The following GAB2 variants were observed in gnomAD, a reference collection of about 807,000 sequenced individuals.
The protein encoded by GAB2 is GRB2 associated binding protein 2, also known as GRB2-associated-binding protein 2.
GAB2 carries 26 observed loss-of-function variants against 65.5 expected under a neutral mutation model. That is an observed-to-expected ratio of 0.40 (90% CI 0.29 to 0.55). The LOEUF (loss-of-function observed/expected upper bound fraction) is 0.55. Ranked by LOEUF, GAB2 falls within the 20% of genes least tolerant of loss-of-function variation. The pLI, the probability that GAB2 is intolerant of heterozygous loss-of-function variation, is 0.53. For synonymous variants in GAB2, 321 were observed against 329.6 expected, an observed-to-expected ratio of 0.97 and a Z score of 0.28; for missense variants, 884 against 875.8, an observed-to-expected ratio of 1.01 and a Z score of -0.12.
Position 78,272,784 on chromosome 11 carries a change from C to T in GAB2, c.376+7817G>A, listed in dbSNP as rs576576282. ...GCCATGTCAGAGGTCTTCACAGCAG[C>T]GCTTCCCATTACAAGCCCAGAGGCC... is the stretch of plus-strand genomic sequence containing the variant. On this transcript the variant is annotated intron_variant, in intron 2 of 9. Transcript: ENST00000361507. Among the ~76,000 whole-genome samples the T allele has an allele frequency of 1.9e-4, 29 of 152,332 alleles. No individual in the cohort carries two copies. The South Asian group carries it at 4.8e-3, about 25-fold the overall frequency.
chr11:78,300,497 A>G (rs1866966253), intron 1 of GAB2, among the ~76,000 whole-genome samples: 1 of 140,036 alleles, frequency 7.1e-6, no homozygotes, highest in African/African-American at 2.8e-5. Context: ...GTCACATAGT[A>G]AGTCTACGTT....
At chr11:78,384,850 A>T (rs1856746208) in intron 1 of GAB2, among the ~76,000 whole-genome samples, 1 of 152,230 alleles carries the variant, frequency 6.6e-6, no homozygotes, top group Non-Finnish European at 1.5e-5. Flanking sequence ...TTCTGAGCAC[A>T]AAAGCACCAA....
chr11:78,408,397 G>T (rs1053563305), intron 1 of GAB2, among the ~76,000 whole-genome samples: 1 of 151,940 alleles, frequency 6.6e-6, no homozygotes, highest in African/African-American at 2.4e-5. Context: ...TGTATAGAGA[G>T]ATACACTCAA....
intron 1 of GAB2, among the ~76,000 whole-genome samples, chr11:78,325,588 C>T (rs530752776): frequency 9.2e-5 from 14 of 152,282 alleles, no homozygotes; most frequent in Admixed American, 7.8e-4. Flanking sequence ...CTAGAATGAA[C>T]TCTGGTTCTT....
chr11:78,382,508 C>A (rs1856711391), intron 1 of GAB2, among the ~76,000 whole-genome samples: 1 of 151,908 alleles, frequency 6.6e-6, no homozygotes, highest in Admixed American at 6.6e-5. Flanking sequence ...TCTCAAAGAC[C>A]TGAGGTATGC....
chr11:78,322,905 G>C (rs1018289542), intron 1 of GAB2, among the ~76,000 whole-genome samples: 2 of 151,786 alleles, frequency 1.3e-5, no homozygotes, highest in Non-Finnish European at 2.9e-5. Context: ...GTAGAAAGCA[G>C]TTTGGAGATT....
chr11:78,317,823 C>G (rs1855641454), intron 1 of GAB2, among the ~76,000 whole-genome samples: 1 of 152,042 alleles, frequency 6.6e-6, no homozygotes, highest in African/African-American at 2.4e-5. Context: ...GAATTCTTTT[C>G]TTTTCTGGGC....
At chr11:78,320,423 G>C (rs147875654) in intron 1 of GAB2, among the ~76,000 whole-genome samples, 102 of 152,238 alleles carry the variant, frequency 6.7e-4, no homozygotes, top group African/African-American at 2.2e-3. Context: ...AAGGAAGAGG[G>C]TCTTATCCTT....
At chr11:78,404,622 T>G (rs2135086067) in intron 1 of GAB2, among the ~76,000 whole-genome samples, 1 of 152,386 alleles carries the variant, frequency 6.6e-6, no homozygotes, top group South Asian at 2.1e-4. Flanking sequence ...CGGTTGGTAC[T>G]GGAGGACATT....
chr11:78,269,279 GA>G, intron 2 of GAB2, among the ~76,000 whole-genome samples: 1 of 152,260 alleles, frequency 6.6e-6, no homozygotes, highest in Non-Finnish European at 1.5e-5. Flanking sequence ...GGGTTCCCCA[GA>G]GGAGTTGGTC....
chr11:78,383,442 T>G, intron 1 of GAB2, among the ~76,000 whole-genome samples: 1 of 151,674 alleles, frequency 6.6e-6, no homozygotes, highest in Non-Finnish European at 1.5e-5. Context: ...CTTTTTCTTT[T>G]TTTTTAAGAC....
intron 2 of GAB2, among the ~76,000 whole-genome samples, chr11:78,250,629 A>G (rs1050461965): frequency 6.6e-6 from 1 of 152,040 alleles, no homozygotes. Context: ...GTGACTTCCT[A>G]TCACAATGTA....
chr11:78,242,887 G>T (rs1384033311), intron 3 of GAB2, among the ~76,000 whole-genome samples: 1 of 152,256 alleles, frequency 6.6e-6, no homozygotes, highest in Admixed American at 6.5e-5. Flanking sequence ...ATCAGTCTGG[G>T]TGTGGTGGCT....
At chr11:78,286,910 T>C (rs1261436950) in intron 1 of GAB2, among the ~76,000 whole-genome samples, 1 of 152,188 alleles carries the variant, frequency 6.6e-6, no homozygotes, top group Non-Finnish European at 1.5e-5. Context: ...GTCCTGAATA[T>C]GCTATTAAAG....
chr11:78,290,966 C>T (rs1378361496), intron 1 of GAB2, among the ~76,000 whole-genome samples: 2 of 152,116 alleles, frequency 1.3e-5, no homozygotes, highest in African/African-American at 4.8e-5. Context: ...TTTTACAGGT[C>T]ATATTTTCTC....
intron 1 of GAB2, among the ~76,000 whole-genome samples, chr11:78,334,317 C>CTG (rs1183997451): frequency 6.6e-6 from 1 of 152,124 alleles, no homozygotes; most frequent in African/African-American, 2.4e-5. Flanking sequence ...TATAGTTACC[C>CTG]TGTTGTGCAA....
At chr11:78,261,828 T>G (rs1008471150) in intron 2 of GAB2, among the ~76,000 whole-genome samples, 3 of 152,214 alleles carry the variant, frequency 2.0e-5, no homozygotes, top group African/African-American at 7.2e-5. Flanking sequence ...CGAGGAACTT[T>G]GGGAACCCAT....
intron 8 of GAB2, 110 bp from the exon 9 acceptor site, chr11:78,220,554 C>T (rs1590936309): frequency 1.2e-6 from 1 of 851,294 alleles, no homozygotes; most frequent in East Asian, 2.6e-5. Context: ...CCTACTCTGA[C>T]ACATGCACCA....
At chr11:78,397,599 C>T (rs968035644) in intron 1 of GAB2, among the ~76,000 whole-genome samples, 14 of 152,150 alleles carry the variant, frequency 9.2e-5, no homozygotes, top group Non-Finnish European at 1.9e-4. Flanking sequence ...TGGCAGATTA[C>T]CCACAAGTAA....
Sources: allele counts gnomAD v4.1 joint callset (sites outside exome capture counted in the v4.1 genomes callset), GRCh38; gene constraint gnomAD v4.1.1; transcripts MANE v1.5; gene names NCBI Gene and HGNC (gene_info 2026-07-23, HGNC 2026-07-21).